Variants in MACF1 observed in about 807,000 individuals in gnomAD.
MACF1 encodes microtubule-actin cross-linking factor 1.
MACF1 carries 193 observed loss-of-function variants against 854.8 expected under a neutral mutation model. That is an observed-to-expected ratio of 0.23 (90% confidence interval 0.20 to 0.25). MACF1 has a LOEUF of 0.25. Among genes scored for constraint, MACF1 ranks in the 10% least tolerant of loss-of-function variants. The pLI, the probability that MACF1 is intolerant of heterozygous loss-of-function variation, is 1.00. For synonymous variants in MACF1, 3,185 were observed against 3,226.7 expected (o/e 0.99, Z 0.44); for missense variants, 7,722 against 8,929.1 (o/e 0.86, Z 5.45).
intron 58 of MACF1, chr1:39,413,030 C>T (rs1258911333): frequency 1.3e-6 from 2 of 1,585,740 alleles, no homozygotes; most frequent in Non-Finnish European, 1.7e-6. Context: ...GGGACTGCTG[C>T]AGTTGCTGCA....
At chr1:39,112,046 T>A (rs889475909) in intron 2 of MACF1, among the ~76,000 whole-genome samples, 1 of 151,896 alleles carries the variant, frequency 6.6e-6, no homozygotes, top group Admixed American at 6.6e-5. Flanking sequence ...GTTTACATTC[T>A]CTTTTCCAGG....
chr1:39,433,256 AC>A, intron 68 of MACF1, 101 bp downstream of exon 68: 1 of 635,488 alleles, frequency 1.6e-6, no homozygotes, highest in Non-Finnish European at 2.7e-6. Context: ...TCCCTCCTGG[AC>A]TTTTCTTATG....
rs1647694407 is a variant in MACF1 at position 39,357,469 on chromosome 1, C to T, written c.11519C>T (p.Thr3840Ile). Residue 3840 changes from threonine to isoleucine, a missense_variant, in exon 45 of 101, where the codon ACA (threonine) becomes ATA (isoleucine). Transcript: ENST00000564288. ...AFLDQHGHNLTPEEQQMLQQK... is the reference protein window; with the variant it reads ...AFLDQHGHNLIPEEQQMLQQK... The stretch of plus-strand genomic sequence containing the variant: ...TTGGATCAGCATGGCCACAATCTCA[C>T]ACCTGAGGAGCAACAGATGCTGCAA... 6.2e-7 allele frequency: 1 copy of T among 1,614,172 alleles called. No individual in the cohort carries two copies.
Position 39,322,896 on chromosome 1 carries a change from C to A in MACF1, c.4138-14C>A, listed in dbSNP as rs759158260. ...TGGCAGACGATTTATTTAAATTGTT[C>A]TTTTGAACCACAGTTCATGGACTTA... is the stretch of plus-strand genomic sequence containing the variant. On this transcript the variant is annotated splice_polypyrimidine_tract_variant and intron_variant, in intron 32 of 100. Coordinates refer to ENST00000564288, the MANE Select transcript of MACF1 (RefSeq NM_001394062.1). The A allele has an allele frequency of 6.2e-7, 1 of 1,608,184 alleles. No homozygotes were observed. Among genetic ancestry groups the A allele is most frequent in the Non-Finnish European group, 8.5e-7 (1 of 1,174,614 alleles).
chr1:39,292,890 C>T (rs964306385), intron 17 of MACF1, 47 bp downstream of exon 17: 2 of 1,469,234 alleles, frequency 1.4e-6, no homozygotes, highest in Admixed American at 1.9e-5. Context: ...GAGTCTGGTT[C>T]CCCCCAATCA....
At chr1:39,168,096 T>C (rs1643901023) in intron 2 of MACF1, among the ~76,000 whole-genome samples, 1 of 152,164 alleles carries the variant, frequency 6.6e-6, no homozygotes, top group Non-Finnish European at 1.5e-5. Context: ...CCAAGGTGTC[T>C]ATCAGTGATA....
In MACF1 at chr1:39,447,709, A is replaced by G. The variant is rs1644257578; in HGVS notation, c.19779A>G (p.Val6593=). The G allele has an allele frequency of 6.2e-7, 1 of 1,614,212 alleles. No homozygotes were observed. Residue 6593 remains valine, a synonymous_variant, in exon 82 of 101, where the codon GTA becomes GTG. Coordinates refer to ENST00000564288, the MANE Select transcript of MACF1 (RefSeq NM_001394062.1). ...IEEHKVFANE[V]NAHRDQIIEL... ...TCCCTCAGGTTTTTGCTAATGAAGT[A>G]AATGCTCATCGAGACCAGATCATTG...
At chr1:39,273,942 T>C (rs1645381875) in intron 6 of MACF1, among the ~76,000 whole-genome samples, 2 of 152,234 alleles carry the variant, frequency 1.3e-5, no homozygotes. Flanking sequence ...TAAAGAATCA[T>C]TATTTTTTAG....
chr1:39,268,298 C>T (rs759018285), intron 6 of MACF1, among the ~76,000 whole-genome samples: 1 of 152,164 alleles, frequency 6.6e-6, no homozygotes, highest in Admixed American at 6.5e-5. Context: ...CCCTCCTCCT[C>T]CTGGCCCTCC....
intron 74 of MACF1, 24 bp downstream of exon 74, chr1:39,441,349 C>T (rs1055664184): frequency 1.3e-6 from 2 of 1,567,516 alleles, no homozygotes; most frequent in African/African-American, 2.7e-5. Context: ...AGGTGACCAC[C>T]AAGGAAATAC....
At position 39,428,252 on chromosome 1, in the gene MACF1, C is replaced by G. The variant is rs547222791; in HGVS notation, c.16768C>G (p.Gln5590Glu). 2 of 1,613,450 alleles carry G rather than the reference C, an allele frequency of 1.2e-6. No homozygotes were observed. The highest frequency in any genetic ancestry group is 1.7e-6 in the Non-Finnish European group (2 of 1,179,694). ...TTCAGTGTTCGTAAAGGATTTCAAA[C>G]AGGATGTCCTGCACAGGCAGCATGC... Reference protein sequence around the residue: ...LSSVFVKDFKQDVLHRQHADH... With the variant: ...LSSVFVKDFKEDVLHRQHADH... The change falls in exon 63 of 101, where the codon CAG becomes GAG. Residue 5590 changes from glutamine (Q) to glutamate (E), a missense_variant. By Grantham distance (29) the Gln-to-Glu change is conservative. Transcript: ENST00000564288.
chr1:39,412,679 T>G, intron 58 of MACF1: 1 of 1,613,976 alleles, frequency 6.2e-7, no homozygotes, highest in South Asian at 1.1e-5. Context: ...TCAGATTCAT[T>G]CCTAAATATT....
In MACF1 at chr1:39,335,462, G is replaced by T. The variant is rs764003721; in HGVS notation, c.8874G>T (p.Pro2958=). 10 of 1,614,210 alleles carry T rather than the reference G, an allele frequency of 6.2e-6. No homozygotes were observed. The South Asian group carries it at 1.1e-4, about 18-fold the overall frequency. Residue 2958 remains proline, a synonymous_variant, in exon 37 of 101, where the codon CCG becomes CCT. Coordinates refer to ENST00000564288, the MANE Select transcript of MACF1 (RefSeq NM_001394062.1). ...ATTGTGAAACGTCAGGCAAATTGCC[G>T]AGTGAGCAGGTTTTGCAGCAACCAA... The part of the protein sequence containing the change: ...ETYCETSGKL[P]SEQVLQQPMN...
intron 58 of MACF1, among the ~76,000 whole-genome samples, chr1:39,422,024 G>A (rs560664864): frequency 3.0e-4 from 45 of 152,006 alleles, no homozygotes; most frequent in Non-Finnish European, 5.1e-4. Context: ...GCAGTGAGCC[G>A]AGATCACGCC....
At position 39,084,183 on chromosome 1, in the gene MACF1, C is replaced by T. The variant is rs770176354; in HGVS notation, c.-36C>T. Reference sequence around the variant, plus strand: ...CTCCTTCAGATCACTTCTCCCTGGGCTCCCAGGCCCTCCTGCAGCAGCCCC... The same window carrying T: ...CTCCTTCAGATCACTTCTCCCTGGGTTCCCAGGCCCTCCTGCAGCAGCCCC... On this transcript the variant is annotated 5_prime_UTR_variant, in exon 2 of 94. Transcript: ENST00000361689. This position sits in a 1 kb window ranked among gnomAD's most constrained non-coding sequence, Gnocchi z 5.2. 6.3e-7 allele frequency: 1 copy of T among 1,590,402 alleles called. No individual in the cohort carries two copies. Among genetic ancestry groups the T allele is most frequent in the Non-Finnish European group, 8.6e-7 (1 of 1,163,848 alleles).
At chr1:39,432,076 TG>T (rs1162513792) in intron 66 of MACF1, among the ~76,000 whole-genome samples, 1 of 152,168 alleles carries the variant, frequency 6.6e-6, no homozygotes. Context: ...CATTTAAAAA[TG>T]TGTTGTTCTT....
intron 2 of MACF1, among the ~76,000 whole-genome samples, chr1:39,194,644 A>G (rs1230130497): frequency 6.6e-6 from 1 of 151,660 alleles, no homozygotes; most frequent in Non-Finnish European, 1.5e-5. Flanking sequence ...TGCCCAGCCA[A>G]AAGTGGAATT....
chr1:39,448,536 C>T, intron 83 of MACF1, 58 bp from the exon 84 acceptor site: 1 of 1,374,604 alleles, frequency 7.3e-7, no homozygotes, highest in Non-Finnish European at 9.6e-7. Flanking sequence ...TTCTTTTGTT[C>T]CAAATCAAGA....
chr1:39,287,255 T>G, intron 14 of MACF1, 31 bp from the exon 15 acceptor site: 1 of 1,604,856 alleles, frequency 6.2e-7, no homozygotes, highest in Non-Finnish European at 8.5e-7. Flanking sequence ...TAGATTTAAA[T>G]CCTTTCCTTT....
Sources: allele counts gnomAD v4.1 joint callset (sites outside exome capture counted in the v4.1 genomes callset), GRCh38; gene constraint gnomAD v4.1.1; non-coding constraint Gnocchi (gnomAD v3.1); transcripts MANE v1.5; gene names NCBI Gene and HGNC (gene_info 2026-07-23, HGNC 2026-07-21).